Variants in GRID2 observed in about 807,000 individuals in gnomAD.
The protein encoded by GRID2 is glutamate ionotropic receptor delta type subunit 2.
GRID2 carries 33 observed loss-of-function variants against 114.8 expected under a neutral mutation model. That is an observed-to-expected ratio of 0.29 (90% CI 0.22 to 0.38). The LOEUF (loss-of-function observed/expected upper bound fraction) is 0.38. Ranked by LOEUF, GRID2 falls within the 10% of genes least tolerant of loss-of-function variation. The pLI is 1.00. For synonymous variants in GRID2, 505 were observed against 449.9 expected (o/e 1.12, Z -1.55); for missense variants, 1,184 against 1,257.7 (o/e 0.94, Z 0.89).
rs1328273359 is a variant in GRID2 at position 93,594,118 on chromosome 4, G to T, written c.2194-32151G>T. On this transcript the variant is annotated intron_variant, in intron 13 of 15. Coordinates refer to ENST00000282020, the MANE Select transcript of GRID2 (RefSeq NM_001510.4). Reference sequence around the variant, plus strand: ...GGTGAGGAGCTGCATTCCTTTGGAGGAGGAGAGGCACTCTGCTTTTTAGAG... The same window carrying T: ...GGTGAGGAGCTGCATTCCTTTGGAGTAGGAGAGGCACTCTGCTTTTTAGAG... Among the ~76,000 whole-genome samples, 10 of 152,326 alleles carry T rather than the reference G, an allele frequency of 6.6e-5. No homozygotes were observed. In the East Asian group the frequency reaches 1.5e-3, roughly 24 times the overall value.
At chr4:92,612,828 A>G (rs890501305) in intron 2 of GRID2, among the ~76,000 whole-genome samples, 38 of 151,346 alleles carry the variant, frequency 2.5e-4, no homozygotes, top group Non-Finnish European at 1.5e-5. Flanking sequence ...GTTTTTGTGG[A>G]TCTGTCAGGA....
chr4:93,310,674 C>A (rs1244032472), intron 8 of GRID2, among the ~76,000 whole-genome samples: 1 of 152,102 alleles, frequency 6.6e-6, no homozygotes, highest in Non-Finnish European at 1.5e-5. Context: ...TAAAGCAATG[C>A]TAAATGTATT....
At chr4:92,549,356 A>C (rs2149171182) in intron 1 of GRID2, among the ~76,000 whole-genome samples, 1 of 152,232 alleles carries the variant, frequency 6.6e-6, no homozygotes, top group South Asian at 2.1e-4. Flanking sequence ...ATACCACACC[A>C]TGTCACCATG....
At chr4:93,699,881 T>A (rs1235392115) in intron 14 of GRID2, among the ~76,000 whole-genome samples, 3 of 152,134 alleles carry the variant, frequency 2.0e-5, no homozygotes, top group Non-Finnish European at 4.4e-5. Flanking sequence ...ATTATTGACA[T>A]AAGCTGGGAA....
chr4:93,043,829 G>T (rs1468633907), intron 2 of GRID2, among the ~76,000 whole-genome samples: 1 of 151,836 alleles, frequency 6.6e-6, no homozygotes, highest in African/African-American at 2.4e-5. Flanking sequence ...TGAGTTAATG[G>T]GTGCAGCACA....
chr4:93,401,776 CTAT>C (rs1471603386), intron 9 of GRID2, among the ~76,000 whole-genome samples: 1 of 152,076 alleles, frequency 6.6e-6, no homozygotes, highest in African/African-American at 2.4e-5. Flanking sequence ...TCCAAAATAT[CTAT>C]TGAGAGAATG....
At chr4:92,777,602 A>T (rs1465053175) in intron 2 of GRID2, among the ~76,000 whole-genome samples, 1 of 152,036 alleles carries the variant, frequency 6.6e-6, no homozygotes, top group Non-Finnish European at 1.5e-5. Flanking sequence ...GCTAACCTCA[A>T]CGTGACTATA....
intron 1 of GRID2, among the ~76,000 whole-genome samples, chr4:92,531,122 G>C (rs182781986): frequency 6.6e-6 from 1 of 152,102 alleles, no homozygotes; most frequent in Admixed American, 6.6e-5. Flanking sequence ...AAAACTTTGT[G>C]GGGGGATAGA....
intron 14 of GRID2, among the ~76,000 whole-genome samples, chr4:93,700,481 T>C (rs17021026): frequency 0.042 from 6,408 of 152,232 alleles, 217 homozygotes; most frequent in African/African-American, 0.084. Context: ...ATGATGCAGC[T>C]AGAGTTGCAA....
chr4:92,954,254 TACAC>T (rs1025640142), intron 2 of GRID2, among the ~76,000 whole-genome samples: 6 of 151,966 alleles, frequency 3.9e-5, no homozygotes, highest in African/African-American at 1.4e-4. Context: ...TACAAACACA[TACAC>T]ACATATATAT....
At chr4:93,172,965 T>G (rs1043400674) in intron 4 of GRID2, among the ~76,000 whole-genome samples, 2 of 152,158 alleles carry the variant, frequency 1.3e-5, no homozygotes, top group Non-Finnish European at 2.9e-5. Flanking sequence ...TTTCTTTCTC[T>G]TAGGAAAACA....
At chr4:93,365,729 C>G (rs1762275202) in intron 8 of GRID2, among the ~76,000 whole-genome samples, 1 of 152,036 alleles carries the variant, frequency 6.6e-6, no homozygotes, top group Non-Finnish European at 1.5e-5. Context: ...GCTTACTTGG[C>G]CATAAAGCTC....
chr4:93,148,893 A>G (rs1012194617), intron 4 of GRID2, among the ~76,000 whole-genome samples: 9 of 152,210 alleles, frequency 5.9e-5, no homozygotes, highest in African/African-American at 1.7e-4. Flanking sequence ...ATTCTTGGAA[A>G]AGAATTTCAG....
intron 8 of GRID2, among the ~76,000 whole-genome samples, chr4:93,350,123 G>A (rs1258230572): frequency 1.3e-5 from 2 of 152,018 alleles, no homozygotes; most frequent in Admixed American, 6.6e-5. Context: ...ATTACCTAAA[G>A]ACTGCTGAGC....
At chr4:93,127,041 A>C (rs1362309109) in intron 4 of GRID2, among the ~76,000 whole-genome samples, 1 of 152,216 alleles carries the variant, frequency 6.6e-6, no homozygotes, top group Non-Finnish European at 1.5e-5. Flanking sequence ...CTGTAAGTTA[A>C]CACTTATAAT....
At chr4:93,451,987 G>A (rs1276668372) in intron 10 of GRID2, among the ~76,000 whole-genome samples, 1 of 152,118 alleles carries the variant, frequency 6.6e-6, no homozygotes, top group Admixed American at 6.6e-5. Context: ...GAATAAATCA[G>A]TCTAGATCCC....
intron 8 of GRID2, among the ~76,000 whole-genome samples, chr4:93,333,598 A>G (rs1475486501): frequency 1.3e-5 from 2 of 152,186 alleles, no homozygotes; most frequent in South Asian, 4.1e-4. Context: ...TGTAAAGACA[A>G]TACTTAAATA....
intron 1 of GRID2, among the ~76,000 whole-genome samples, chr4:93,789,454 C>G (rs1734654047): frequency 6.6e-6 from 1 of 152,144 alleles, no homozygotes; most frequent in Admixed American, 6.5e-5. Flanking sequence ...TTGTTATTAC[C>G]TAATATGCCA....
chr4:93,048,804 G>A (rs909168939), intron 2 of GRID2, among the ~76,000 whole-genome samples: 2 of 151,972 alleles, frequency 1.3e-5, no homozygotes, highest in East Asian at 3.9e-4. Flanking sequence ...AAGTTTTATG[G>A]TCCAGGCAGC....
Sources: allele counts gnomAD v4.1 joint callset (sites outside exome capture counted in the v4.1 genomes callset), GRCh38; gene constraint gnomAD v4.1.1; transcripts MANE v1.5; gene names NCBI Gene and HGNC (gene_info 2026-07-23, HGNC 2026-07-21).